Variants in MYO16 observed in about 807,000 individuals in gnomAD.
MYO16 encodes unconventional myosin-XVI.
In MYO16, 94 loss-of-function variants were observed where a neutral mutation model predicts 205.3. The observed-to-expected ratio is 0.46, with a 90% CI of 0.39 to 0.54. The LOEUF (loss-of-function observed/expected upper bound fraction) is 0.54, where lower values mean the gene tolerates loss of function less well. Ranked by LOEUF, MYO16 falls within the 20% of genes least tolerant of loss-of-function variation. The probability of loss-of-function intolerance (pLI) is 0.00; values close to 1 mark genes in which losing one functional copy is unlikely to be tolerated. For missense variants in MYO16, 2,315 were observed against 2,387.5 expected (o/e 0.97, Z 0.63); for synonymous variants, 988 against 954.0 (o/e 1.04, Z -0.66).
intron 2 of MYO16, among the ~76,000 whole-genome samples, chr13:108,694,635 T>C (rs988293320): frequency 4.7e-4 from 72 of 152,250 alleles, no homozygotes; most frequent in African/African-American, 1.7e-3. Flanking sequence ...ATATATGCTT[T>C]GCAAATATTT....
chr13:108,820,557 A>G (rs1875912305), intron 8 of MYO16, 145 bp downstream of exon 8: 1 of 661,580 alleles, frequency 1.5e-6, no homozygotes, highest in African/African-American at 1.8e-5. Flanking sequence ...GTTCAAGCAC[A>G]ATTCATCATC....
intron 21 of MYO16, among the ~76,000 whole-genome samples, chr13:109,007,539 CGTGTGTGTGT>C (rs71125360): frequency 0.27 from 36,686 of 133,538 alleles, 5,746 homozygotes; most frequent in East Asian, 0.62. Flanking sequence ...AGAAATCAGC[CGTGTGTGTGT>C]GTGTGTGTGT....
At chr13:109,023,410 A>ACAGATATAAATATATATTTATATATTC (rs1886188508) in intron 23 of MYO16, among the ~76,000 whole-genome samples, 1 of 84,768 alleles carries the variant, frequency 1.2e-5, no homozygotes, top group Non-Finnish European at 2.1e-5. Flanking sequence ...TTTATATATT[A>ACAGATATAAATATATATTTATATATTC]TACAGATATA....
At chr13:109,191,176 G>A (rs1390813568) in intron 34 of MYO16, among the ~76,000 whole-genome samples, 6 of 151,838 alleles carry the variant, frequency 4.0e-5, no homozygotes, top group East Asian at 1.9e-4. Flanking sequence ...CCAAGATCGC[G>A]CCACTGCACT....
intron 5 of MYO16, among the ~76,000 whole-genome samples, chr13:108,790,329 T>C (rs1315177386): frequency 6.6e-6 from 1 of 152,320 alleles, no homozygotes; most frequent in East Asian, 1.9e-4. Context: ...TTTGCCCAAG[T>C]ATCCACTGAT....
chr13:109,066,377 G>A (rs1887748585), intron 27 of MYO16, among the ~76,000 whole-genome samples: 1 of 152,140 alleles, frequency 6.6e-6, no homozygotes, highest in African/African-American at 2.4e-5. Context: ...AGGTAATTTT[G>A]CCAAATCTAA....
intron 1 of MYO16, among the ~76,000 whole-genome samples, chr13:108,606,070 C>A (rs1286706078): frequency 5.9e-5 from 9 of 152,116 alleles, no homozygotes; most frequent in Admixed American, 4.6e-4. Flanking sequence ...TTCCCCTGCC[C>A]TAGAGATCTG....
chr13:109,022,657 A>T (rs1230007795), intron 23 of MYO16, among the ~76,000 whole-genome samples: 1 of 123,102 alleles, frequency 8.1e-6, no homozygotes, highest in African/African-American at 3.0e-5. Context: ...ACATATGTAT[A>T]TATTTATATA....
intron 24 of MYO16, among the ~76,000 whole-genome samples, chr13:109,049,584 AT>A (rs59528534): frequency 0.42 from 63,343 of 151,272 alleles, 13,869 homozygotes; most frequent in East Asian, 0.83. Context: ...TTCTTTTTAA[AT>A]TTTTTTTTGT....
intron 27 of MYO16, among the ~76,000 whole-genome samples, chr13:109,089,681 A>G (rs1888558916): frequency 1.3e-5 from 2 of 152,230 alleles, no homozygotes; most frequent in South Asian, 2.1e-4. Context: ...TTAAGATGCT[A>G]GCTTTGCAAT....
Position 108,888,224 on chromosome 13 carries a change from G to A in MYO16, c.1554-148G>A, listed in dbSNP as rs190667738. 8.4e-4 allele frequency: 466 copies of A among 556,868 alleles called. 1 individual carries two copies. The highest frequency in any genetic ancestry group is 3.1e-3 in the Admixed American group (83 of 27,182). The allele number at this position is 556,868 out of a possible 1,614,324, so 34.5% of individuals were successfully genotyped here. ...GACCACAAACTCATTGCAAGTAGAT[G>A]TGCCATTCCCTCCTCATTTCTGTGT... On this transcript the variant is annotated intron_variant, in intron 13 of 34. Coordinates refer to ENST00000457511, the MANE Select transcript of MYO16 (RefSeq NM_001198950.3).
chr13:108,646,001 C>T (rs1360409850), intron 1 of MYO16, among the ~76,000 whole-genome samples: 2 of 152,144 alleles, frequency 1.3e-5, no homozygotes, highest in African/African-American at 4.8e-5. Context: ...AAGGTATGCA[C>T]TTACTCCCAG....
At chr13:109,098,534 T>G (rs156997) in intron 27 of MYO16, among the ~76,000 whole-genome samples, 119,230 of 152,094 alleles carry the variant, frequency 0.78, 46,893 homozygotes, top group Middle Eastern at 0.87. Flanking sequence ...TGTGACGTGT[T>G]GTTGGGCGTT....
chr13:109,125,050 T>A lies in MYO16; in HGVS notation c.3536-62T>A, dbSNP rs576269709. The A allele has an allele frequency of 6.5e-7, 1 of 1,542,460 alleles. No individual in the cohort carries two copies. The highest frequency in any genetic ancestry group is 1.2e-5 in the South Asian group (1 of 83,610). ...GAGATAAGTATATTATGATTTTTGT[T>A]TGTGCATGTCTGAGTTTTTCACTTT... On this transcript the variant is annotated intron_variant, in intron 29 of 34. Transcript: ENST00000457511. The surrounding 1 kb of genome is among the most constrained non-coding windows in gnomAD (Gnocchi z 4.0).
intron 32 of MYO16, among the ~76,000 whole-genome samples, chr13:109,150,667 G>T (rs9559507): frequency 6.6e-6 from 1 of 152,072 alleles, no homozygotes; most frequent in Non-Finnish European, 1.5e-5. Flanking sequence ...ATAATGCACC[G>T]TCAGTGGGGA....
intron 25 of MYO16, among the ~76,000 whole-genome samples, chr13:109,053,419 A>G (rs1201799659): frequency 1.2e-4 from 18 of 152,030 alleles, no homozygotes; most frequent in Non-Finnish European, 7.4e-5. Flanking sequence ...TCTCTGCCAC[A>G]TAGAAAATGG....
chr13:108,733,955 T>C (rs896911201), intron 4 of MYO16, among the ~76,000 whole-genome samples: 4 of 152,280 alleles, frequency 2.6e-5, no homozygotes, highest in African/African-American at 9.6e-5. Flanking sequence ...GGCGACAGAA[T>C]GAGACTCCGT....
chr13:109,079,369 G>A lies in MYO16; in HGVS notation c.3336-21416G>A, dbSNP rs149891694. ...TCTGGGATTTATTTATTTTCTATAT[G>A]AGTTACCTACTGTATGGGTTTTTTT... On this transcript the variant is annotated intron_variant, in intron 27 of 34. Coordinates refer to ENST00000457511, the MANE Select transcript of MYO16 (RefSeq NM_001198950.3). 6.9e-3 allele frequency among the ~76,000 whole-genome samples: 981 copies of A among 141,678 alleles called. 7 individuals carry two copies. Among genetic ancestry groups the A allele is most frequent in the Non-Finnish European group, 9.9e-3 (652 of 65,630 alleles). The allele number at this position is 141,678 out of a possible 152,430, so 92.9% of individuals were successfully genotyped here. A position where few individuals can be genotyped will look rare whatever the true frequency, so the allele number is the denominator to read the frequency against.
chr13:108,916,461 G>A (rs1234728474), intron 16 of MYO16, among the ~76,000 whole-genome samples: 2 of 152,172 alleles, frequency 1.3e-5, no homozygotes, highest in Admixed American at 1.3e-4. Flanking sequence ...GAGATTTTAA[G>A]GCAAATGAAA....
Sources: gnomAD v4.1 joint callset for allele counts (sites outside exome capture counted in the v4.1 genomes callset) on GRCh38, gnomAD v4.1.1 for gene constraint, Gnocchi (gnomAD v3.1) non-coding constraint, MANE v1.5 for transcripts, NCBI Gene and HGNC (gene_info 2026-07-23, HGNC 2026-07-21) for gene names.